OPCML: variants seen among roughly 807,000 people sequenced by gnomAD.
OPCML encodes the protein opioid binding protein/cell adhesion molecule like.
A neutral mutation model predicts 37.8 loss-of-function variants in OPCML; 13 were observed. The ratio of observed to expected loss-of-function variants is 0.34; its 90% CI spans 0.22 to 0.55. The LOEUF is 0.55. OPCML is among the 20% of genes least tolerant of loss of function. The pLI, the probability that OPCML is intolerant of heterozygous loss-of-function variation, is 0.91. For synonymous variants in OPCML, 176 were observed against 168.8 expected, an observed-to-expected ratio of 1.04 and a Z score of -0.33; for missense variants, 341 against 435.6, an observed-to-expected ratio of 0.78 and a Z score of 1.93.
At chr11:132,942,863 TCCCTC>T in intron 2 of OPCML, 58 bp downstream of exon 2, 1 of 1,601,612 alleles carries the variant, frequency 6.2e-7, no homozygotes, top group Non-Finnish European at 8.5e-7. Context: ...TGCCCCCTCT[TCCCTC>T]CTCTCCCCAG....
chr11:132,839,366 G>A (rs913847130), intron 2 of OPCML, among the ~76,000 whole-genome samples: 5 of 152,146 alleles, frequency 3.3e-5, no homozygotes, highest in African/African-American at 9.7e-5. Flanking sequence ...GGTGAAGATC[G>A]GAACCGCAAG....
At chr11:133,063,063 A>G (rs1455882315) in intron 1 of OPCML, among the ~76,000 whole-genome samples, 1 of 152,182 alleles carries the variant, frequency 6.6e-6, no homozygotes, top group Non-Finnish European at 1.5e-5. Context: ...GTTGTATTCC[A>G]GTCATTGTCT....
At chr11:133,262,182 T>C (rs1297232463) in intron 1 of OPCML, among the ~76,000 whole-genome samples, 2 of 152,216 alleles carry the variant, frequency 1.3e-5, no homozygotes, top group Non-Finnish European at 2.9e-5. Flanking sequence ...CTATATGCAT[T>C]ATCTCACATA....
In OPCML at chr11:133,314,010, C is replaced by T. The variant is rs553957400; in HGVS notation, c.61+218254G>A. ...CAGCACTTTGGGAGGCCGAGGCGGG[C>T]GGATCACGAGGTCAGGAGATCGAGA... On this transcript the variant is annotated intron_variant, in intron 1 of 7. Coordinates refer to ENST00000524381, the MANE Select transcript of OPCML (RefSeq NM_001012393.5). Among the ~76,000 whole-genome samples, 1,053 of 151,752 alleles carry T rather than the reference C, an allele frequency of 6.9e-3. 5 individuals are homozygous for T. Among genetic ancestry groups the T allele is most frequent in the Admixed American group, 0.012 (179 of 15,254 alleles).
intron 4 of OPCML, among the ~76,000 whole-genome samples, chr11:132,461,679 C>T (rs555178202): frequency 3.3e-5 from 5 of 152,094 alleles, no homozygotes; most frequent in African/African-American, 9.7e-5. Context: ...AAGACATACT[C>T]GAGACTGGAT....
rs116593062 is a variant in OPCML, at chr11:133,127,947, C to T, written c.62-184937G>A. Among the ~76,000 whole-genome samples the T allele has an allele frequency of 5.3e-3, 802 of 152,088 alleles. 6 individuals carry two copies. Among genetic ancestry groups the T allele is most frequent in the African/African-American group, 0.018 (744 of 41,492 alleles). On this transcript the variant is annotated intron_variant, in intron 1 of 7. Transcript: ENST00000524381. ...GACGGGATGATTATGCGCTTTGTTC[C>T]GCATATGGAAGACAATGTGGTTTTT...
chr11:133,003,100 T>C (rs1267787899), intron 1 of OPCML, among the ~76,000 whole-genome samples: 2 of 152,202 alleles, frequency 1.3e-5, no homozygotes, highest in East Asian at 3.9e-4. Flanking sequence ...TTGAAGAAGA[T>C]TTGCTTCATT....
chr11:132,505,197 T>A (rs1403006859), intron 4 of OPCML, among the ~76,000 whole-genome samples: 4 of 152,074 alleles, frequency 2.6e-5, no homozygotes, highest in African/African-American at 9.7e-5. Context: ...CACCATCCAC[T>A]TACCACACAG....
chr11:133,295,564 G>A (rs1394782873), intron 1 of OPCML, among the ~76,000 whole-genome samples: 2 of 152,166 alleles, frequency 1.3e-5, no homozygotes, highest in Non-Finnish European at 2.9e-5. Flanking sequence ...ATTGTTTAGA[G>A]CATGCCTTAC....
At chr11:132,815,713 GAGATGGTTTTA>G (rs1462575023) in intron 2 of OPCML, among the ~76,000 whole-genome samples, 2 of 152,188 alleles carry the variant, frequency 1.3e-5, no homozygotes, top group Non-Finnish European at 1.5e-5. Flanking sequence ...ACATGGGGTT[GAGATGGTTTTA>G]AAATTCTTAT....
At chr11:132,475,204 G>A (rs564985001) in intron 4 of OPCML, among the ~76,000 whole-genome samples, 7 of 152,242 alleles carry the variant, frequency 4.6e-5, no homozygotes, top group Non-Finnish European at 1.0e-4. Flanking sequence ...CCTGAGGGCT[G>A]GCCTAAATCT....
At chr11:133,065,416 C>T (rs575669973) in intron 1 of OPCML, 1 of 152,322 alleles carries the variant, frequency 6.6e-6, no homozygotes, top group African/African-American at 2.4e-5. Flanking sequence ...AGACTTGCTT[C>T]GGAGATGGGT....
chr11:133,164,656 A>G (rs927597944), intron 1 of OPCML, among the ~76,000 whole-genome samples: 1 of 152,238 alleles, frequency 6.6e-6, no homozygotes, highest in Non-Finnish European at 1.5e-5. Flanking sequence ...GCTGGTATGC[A>G]GTCAGTGCTC....
chr11:133,324,425 A>G (rs1475243688), intron 1 of OPCML, among the ~76,000 whole-genome samples: 2 of 152,214 alleles, frequency 1.3e-5, no homozygotes, highest in East Asian at 1.9e-4. Flanking sequence ...GAAAAAATCA[A>G]TTATCTAAGA....
intron 3 of OPCML, among the ~76,000 whole-genome samples, chr11:132,549,672 G>A (rs111392164): frequency 2.8e-4 from 43 of 152,320 alleles, no homozygotes; most frequent in Middle Eastern, 3.4e-3. Context: ...GCTTGCACGC[G>A]TGAATGCGGC....
chr11:132,443,477 A>G lies in OPCML; in HGVS notation c.506-6118T>C, dbSNP rs78353111. 4.0e-3 allele frequency among the ~76,000 whole-genome samples: 609 copies of G among 152,290 alleles called. 1 individual carries two copies. Among genetic ancestry groups the G allele is most frequent in the African/African-American group, 0.013 (525 of 41,560 alleles). On this transcript the variant is annotated intron_variant, in intron 4 of 7. Coordinates refer to ENST00000524381, the MANE Select transcript of OPCML (RefSeq NM_001012393.5). ...GAGACTATTACAGACGATCCTGATC[A>G]ACACTGAATTTGCAAAGTTGGAATC... is the stretch of plus-strand genomic sequence containing the variant.
intron 2 of OPCML, among the ~76,000 whole-genome samples, chr11:132,825,673 C>T (rs577817759): frequency 7.2e-5 from 11 of 152,226 alleles, no homozygotes; most frequent in Admixed American, 1.3e-4. Flanking sequence ...TCTAATTAAA[C>T]AAATTTACAC....
chr11:133,145,765 G>A (rs552505473), intron 1 of OPCML, among the ~76,000 whole-genome samples: 97 of 152,306 alleles, frequency 6.4e-4, no homozygotes, highest in African/African-American at 1.9e-3. Flanking sequence ...GCTGTGTGCC[G>A]GAGGGGTCAG....
chr11:133,072,195 C>T lies in OPCML; in HGVS notation c.62-129185G>A, dbSNP rs902621078. Among the ~76,000 whole-genome samples, 9 of 151,896 alleles carry T rather than the reference C, an allele frequency of 5.9e-5. No individual in the cohort carries two copies. In the East Asian group the frequency reaches 1.4e-3, roughly 23 times the overall value. On this transcript the variant is annotated intron_variant, in intron 1 of 7. Transcript: ENST00000524381. The stretch of plus-strand genomic sequence containing the variant: ...AAAATATTCTAGAATTAAATAGGGG[C>T]GATGGGTGCATAACCTTGGGAATAT...
Sources: gnomAD v4.1 joint callset for allele counts (sites outside exome capture counted in the v4.1 genomes callset) on GRCh38, gnomAD v4.1.1 for gene constraint, MANE v1.5 for transcripts, NCBI Gene and HGNC (gene_info 2026-07-23, HGNC 2026-07-21) for gene names.